Variants in WDPCP observed in about 807,000 individuals in gnomAD.
WDPCP encodes the protein WD repeat containing planar cell polarity effector, also known as WD repeat-containing and planar cell polarity effector protein fritz homolog.
WDPCP carries 71 observed loss-of-function variants against 93.1 expected under a neutral mutation model. That is an observed-to-expected ratio of 0.76 (90% CI 0.63 to 0.93). The LOEUF (loss-of-function observed/expected upper bound fraction) is 0.93. Ranked by LOEUF, WDPCP falls within the 40% of genes least tolerant of loss-of-function variation. WDPCP has a pLI of 0.00. For missense variants in WDPCP, 844 were observed against 887.4 expected (o/e 0.95, Z 0.62); for synonymous variants, 315 against 315.0 (o/e 1.00, Z 0.00).
intron 14 of WDPCP, among the ~76,000 whole-genome samples, chr2:63,237,727 A>T (rs1426679585): frequency 6.6e-6 from 1 of 152,194 alleles, no homozygotes; most frequent in African/African-American, 2.4e-5. Flanking sequence ...ATGCAGAAAC[A>T]GAAAATGAAA....
intron 2 of WDPCP, among the ~76,000 whole-genome samples, chr2:63,807,005 A>G (rs537865651): frequency 6.6e-6 from 1 of 152,274 alleles, no homozygotes; most frequent in Admixed American, 6.5e-5. Context: ...AAGTAAAGAC[A>G]GGCATAGGAA....
At chr2:63,228,081 A>G (rs1678443425) in intron 14 of WDPCP, among the ~76,000 whole-genome samples, 2 of 152,118 alleles carry the variant, frequency 1.3e-5, no homozygotes, top group Admixed American at 1.3e-4. Context: ...AAGGCTCAAC[A>G]TATATGACTC....
chr2:63,713,098 A>G lies in WDPCP; in HGVS notation n.309-62260T>C, dbSNP rs572664168. 1.7e-4 allele frequency among the ~76,000 whole-genome samples: 26 copies of G among 152,334 alleles called. No homozygotes were observed. In the South Asian group the frequency reaches 3.9e-3, roughly 23 times the overall value. ...AACATGGCAGGATCCACAATGGATG[A>G]GCTCATCTTCTGGGTGCACTATGTG... On this transcript the variant is annotated intron_variant and non_coding_transcript_variant, in intron 2 of 4. Transcript: ENST00000467687.
intron 14 of WDPCP, among the ~76,000 whole-genome samples, chr2:63,220,491 C>T (rs911677412): frequency 6.6e-6 from 1 of 152,002 alleles, no homozygotes; most frequent in African/African-American, 2.4e-5. Context: ...TGGATTATGT[C>T]TTCTGATAAC....
At chr2:63,367,033 A>T (rs910885021) in intron 12 of WDPCP, among the ~76,000 whole-genome samples, 4 of 151,522 alleles carry the variant, frequency 2.6e-5, no homozygotes, top group African/African-American at 7.3e-5. Flanking sequence ...GTAGTCATTC[A>T]ATCCATATAT....
intron 10 of WDPCP, among the ~76,000 whole-genome samples, chr2:63,399,353 T>C (rs1465421798): frequency 2.0e-5 from 3 of 152,056 alleles, no homozygotes; most frequent in African/African-American, 7.2e-5. Flanking sequence ...CAATTAAGTT[T>C]ACAAGCTGGC....
intron 17 of WDPCP, among the ~76,000 whole-genome samples, chr2:63,128,378 TTC>T (rs1670063113): frequency 6.6e-6 from 1 of 152,174 alleles, no homozygotes; most frequent in Non-Finnish European, 1.5e-5. Flanking sequence ...TTCCTTCCGT[TTC>T]TGTCTTTACC....
intron 2 of WDPCP, among the ~76,000 whole-genome samples, chr2:63,680,925 C>G (rs1710485666): frequency 6.6e-6 from 1 of 152,014 alleles, no homozygotes; most frequent in Non-Finnish European, 1.5e-5. Flanking sequence ...GACAACATAT[C>G]TAGACACACA....
chr2:63,800,790 C>T (rs772291641), intron 2 of WDPCP, among the ~76,000 whole-genome samples: 2 of 152,172 alleles, frequency 1.3e-5, no homozygotes, highest in African/African-American at 2.4e-5. Context: ...TCATGGCTCA[C>T]GCCTGTAATC....
chr2:63,189,564 A>AT (rs771957698), intron 14 of WDPCP, among the ~76,000 whole-genome samples: 50 of 152,330 alleles, frequency 3.3e-4, no homozygotes, highest in Non-Finnish European at 5.0e-4. Flanking sequence ...CAGTGTGTAT[A>AT]TAGATCTACA....
Position 63,189,431 on chromosome 2 carries a change from C to T in WDPCP, c.1916-14599G>A, listed in dbSNP as rs193014275. ...AGTCCTGTAGTCCATTAACTAATTT[C>T]TAGATTTATCACAAAGCTATTTTTA... On this transcript the variant is annotated intron_variant, in intron 14 of 17. Transcript: ENST00000272321. Among the ~76,000 whole-genome samples the T allele has an allele frequency of 1.7e-3, 261 of 152,286 alleles. 1 individual carries two copies. In the Middle Eastern group the frequency reaches 0.024, roughly 14 times the overall value.
chr2:63,298,973 G>T (rs1286689801), intron 13 of WDPCP, among the ~76,000 whole-genome samples: 1 of 152,214 alleles, frequency 6.6e-6, no homozygotes, highest in East Asian at 1.9e-4. Flanking sequence ...CACATCTTTT[G>T]TGGGCACTTC....
intron 1 of WDPCP, among the ~76,000 whole-genome samples, chr2:63,526,999 ATAAACT>A (rs1445823099): frequency 6.6e-6 from 1 of 152,242 alleles, no homozygotes. Context: ...AGGCTTCCTC[ATAAACT>A]TAGAGTGTCA....
chr2:63,153,018 A>G (rs1671987669), intron 16 of WDPCP, 73 bp from the exon 17 acceptor site: 1 of 1,250,514 alleles, frequency 8.0e-7, no homozygotes, highest in Admixed American at 1.8e-5. Context: ...TTTTTACAAC[A>G]CTAAAAACAG....
chr2:63,363,642 G>A (rs1387168702), intron 12 of WDPCP, among the ~76,000 whole-genome samples: 1 of 151,924 alleles, frequency 6.6e-6, no homozygotes, highest in African/African-American at 2.4e-5. Context: ...AAAGAAAAGC[G>A]AAATTTTATA....
At chr2:63,268,157 T>A (rs1682310948) in intron 13 of WDPCP, among the ~76,000 whole-genome samples, 1 of 152,060 alleles carries the variant, frequency 6.6e-6, no homozygotes, top group African/African-American at 2.4e-5. Flanking sequence ...AATAAGAAAA[T>A]TTTTTCATTT....
intron 3 of WDPCP, chr2:63,595,567 A>C (rs1186762849): frequency 8.3e-7 from 1 of 1,208,142 alleles, no homozygotes; most frequent in South Asian, 1.3e-5. Context: ...GATTTCTTAC[A>C]AAATACAGGT....
chr2:63,366,124 C>T (rs982589258), intron 12 of WDPCP, among the ~76,000 whole-genome samples: 2 of 152,108 alleles, frequency 1.3e-5, no homozygotes, highest in African/African-American at 4.8e-5. Flanking sequence ...TCCAGGATGA[C>T]TCTCTTACTA....
At chr2:63,790,068 C>G (rs1217553967) in intron 2 of WDPCP, among the ~76,000 whole-genome samples, 2 of 152,102 alleles carry the variant, frequency 1.3e-5, no homozygotes, top group East Asian at 3.9e-4. Flanking sequence ...TAGGAAACTC[C>G]CTTAACTAAA....
Sources: gnomAD v4.1 joint callset for allele counts (sites outside exome capture counted in the v4.1 genomes callset) on GRCh38, gnomAD v4.1.1 for gene constraint, MANE v1.5 for transcripts, NCBI Gene and HGNC (gene_info 2026-07-23, HGNC 2026-07-21) for gene names.